Variants in HYCC2 observed in about 807,000 individuals in gnomAD.
HYCC2 encodes the protein hyccin PI4KA lipid kinase complex subunit 2.
At chr2:201,026,191 C>G in the HYCC2 span, among the ~76,000 whole-genome samples, 1 of 152,136 alleles carries the variant, frequency 6.6e-6, no homozygotes, top group South Asian at 2.1e-4. Context: ...AGACTTTAAA[C>G]CAACAAAGAT....
At chr2:201,062,761 T>C in the HYCC2 span, among the ~76,000 whole-genome samples, 2 of 151,024 alleles carry the variant, frequency 1.3e-5, no homozygotes, top group Non-Finnish European at 2.9e-5. Context: ...GAGGCTGCAG[T>C]GAGCTATAAT....
the HYCC2 span, among the ~76,000 whole-genome samples, chr2:201,033,196 T>TGTGAGAGA: frequency 7.2e-4 from 77 of 106,240 alleles, no homozygotes; most frequent in African/African-American, 2.3e-3. Flanking sequence ...TGTGTGTGTG[T>TGTGAGAGA]GAGAGAGAGA....
chr2:200,997,597 C>G, the HYCC2 span: 20 of 1,077,858 alleles, frequency 1.9e-5, no homozygotes, highest in Non-Finnish European at 2.7e-5. Context: ...CTACTAGCAA[C>G]TGGTTATGAC....
At chr2:200,979,154 A>G in the HYCC2 span, 2 of 151,564 alleles carry the variant, frequency 1.3e-5, no homozygotes, top group African/African-American at 4.9e-5. Flanking sequence ...TAGCTCATTT[A>G]TTTTGGCTAT....
the HYCC2 span, among the ~76,000 whole-genome samples, chr2:201,071,192 C>G: frequency 6.6e-6 from 1 of 152,208 alleles, no homozygotes; most frequent in Non-Finnish European, 1.5e-5. Flanking sequence ...CCCCTCACCA[C>G]CCCCAGGAAA....
chr2:200,985,870 C>CG, the HYCC2 span, among the ~76,000 whole-genome samples: 1 of 151,922 alleles, frequency 6.6e-6, no homozygotes, highest in African/African-American at 2.4e-5. Flanking sequence ...GTGTATGACT[C>CG]GATGTACTGG....
chr2:201,013,558 G>T, the HYCC2 span, among the ~76,000 whole-genome samples: 1 of 151,854 alleles, frequency 6.6e-6, no homozygotes, highest in East Asian at 1.9e-4. Context: ...TTCCGTATAG[G>T]GCTCATTTCT....
the HYCC2 span, among the ~76,000 whole-genome samples, chr2:201,052,622 AG>A: frequency 6.6e-6 from 1 of 152,162 alleles, no homozygotes; most frequent in Non-Finnish European, 1.5e-5. Flanking sequence ...AAAAGAAAAA[AG>A]AAAGAAAGAA....
At chr2:201,044,612 G>A in the HYCC2 span, among the ~76,000 whole-genome samples, 14 of 152,290 alleles carry the variant, frequency 9.2e-5, no homozygotes, top group East Asian at 2.5e-3. Flanking sequence ...ATGTCGCTAT[G>A]ACAAAGGTTT....
At chr2:200,988,414 T>A in the HYCC2 span, 1 of 1,611,904 alleles carries the variant, frequency 6.2e-7, no homozygotes, top group Non-Finnish European at 8.5e-7. Context: ...TTTCATGGCA[T>A]TGGCAACCTA....
the HYCC2 span, among the ~76,000 whole-genome samples, chr2:201,044,651 C>T: frequency 2.8e-4 from 42 of 152,270 alleles, 2 homozygotes; most frequent in East Asian, 7.3e-3. Context: ...AATCAACACA[C>T]GTAAGGTCTT....
the HYCC2 span, among the ~76,000 whole-genome samples, chr2:201,062,069 C>T: frequency 6.6e-6 from 1 of 152,034 alleles, no homozygotes; most frequent in Non-Finnish European, 1.5e-5. Context: ...CACACAACTG[C>T]ACTCCAGTCT....
the HYCC2 span, among the ~76,000 whole-genome samples, chr2:201,022,329 A>C: frequency 6.6e-6 from 1 of 152,186 alleles, no homozygotes; most frequent in African/African-American, 2.4e-5. Flanking sequence ...AAGTTTATTG[A>C]TCTTGACTAC....
the HYCC2 span, among the ~76,000 whole-genome samples, chr2:200,990,350 T>C: frequency 6.6e-6 from 1 of 152,148 alleles, no homozygotes; most frequent in South Asian, 2.1e-4. Context: ...GTCATACTAC[T>C]ACTGTAACAT....
At chr2:201,056,097 G>A in the HYCC2 span, among the ~76,000 whole-genome samples, 3 of 152,144 alleles carry the variant, frequency 2.0e-5, no homozygotes, top group African/African-American at 7.2e-5. Flanking sequence ...AGGAGGCTGA[G>A]GCAGGAGAAT....
At chr2:201,017,225 GTTTT>G in the HYCC2 span, 1 of 1,067,934 alleles carries the variant, frequency 9.4e-7, no homozygotes, top group Non-Finnish European at 1.3e-6. Flanking sequence ...TGTAACTGTT[GTTTT>G]TTTTTTTTTA....
chr2:201,055,218 T>A, the HYCC2 span, among the ~76,000 whole-genome samples: 1 of 152,034 alleles, frequency 6.6e-6, no homozygotes, highest in African/African-American at 2.4e-5. Context: ...TAAAAAAATT[T>A]ACCATCTTAA....
At chr2:201,058,811 TA>T in the HYCC2 span, among the ~76,000 whole-genome samples, 1 of 152,240 alleles carries the variant, frequency 6.6e-6, no homozygotes, top group Non-Finnish European at 1.5e-5. Flanking sequence ...CTACCCTGGA[TA>T]AAAATGTTTC....
At chr2:201,033,260 A>C in the HYCC2 span, among the ~76,000 whole-genome samples, 1 of 151,588 alleles carries the variant, frequency 6.6e-6, no homozygotes, top group Non-Finnish European at 1.5e-5. Flanking sequence ...GCAGTGACAC[A>C]ATCAGGGCTC....
Sources: gnomAD v4.1 joint callset for allele counts (sites outside exome capture counted in the v4.1 genomes callset) on GRCh38, gnomAD v4.1.1 for gene constraint, MANE v1.5 for transcripts, NCBI Gene and HGNC (gene_info 2026-07-23, HGNC 2026-07-21) for gene names.